The following HIP1 variants were observed in gnomAD, a reference collection of about 807,000 sequenced individuals.
HIP1 encodes huntingtin interacting protein 1.
In HIP1, 65 loss-of-function variants were observed where a neutral mutation model predicts 147.6. That is an observed-to-expected ratio of 0.44 (90% CI 0.36 to 0.54). The LOEUF (loss-of-function observed/expected upper bound fraction) is 0.54, where lower values mean the gene tolerates loss of function less well. Ranked by LOEUF, HIP1 falls within the 20% of genes least tolerant of loss-of-function variation. The pLI is 0.00. For synonymous variants in HIP1, 479 were observed against 504.0 expected, an observed-to-expected ratio of 0.95 and a Z score of 0.67; for missense variants, 1,061 against 1,299.6, an observed-to-expected ratio of 0.82 and a Z score of 2.82.
intron 1 of HIP1, among the ~76,000 whole-genome samples, chr7:75,725,860 T>C (rs1801634483): frequency 6.7e-6 from 1 of 149,842 alleles, no homozygotes; most frequent in Admixed American, 6.8e-5. Flanking sequence ...TCTCACTCTG[T>C]TGCCCAGGCT....
At chr7:75,636,312 C>T (rs1044813049) in intron 1 of HIP1, among the ~76,000 whole-genome samples, 20 of 151,372 alleles carry the variant, frequency 1.3e-4, no homozygotes, top group Non-Finnish European at 2.8e-4. Flanking sequence ...GACTGCACCA[C>T]TGCACTCCAG....
intron 1 of HIP1, among the ~76,000 whole-genome samples, chr7:75,660,216 T>TAA (rs66778859): frequency 4.0e-4 from 55 of 138,940 alleles, no homozygotes; most frequent in East Asian, 2.6e-3. Context: ...CGATACGTGG[T>TAA]AAAAAAAAAA....
intron 1 of HIP1, among the ~76,000 whole-genome samples, chr7:75,684,275 T>G (rs1458538054): frequency 6.6e-6 from 1 of 151,440 alleles, no homozygotes; most frequent in Non-Finnish European, 1.5e-5. Flanking sequence ...GGTGAAACCG[T>G]GTCTCTACTA....
intron 1 of HIP1, among the ~76,000 whole-genome samples, chr7:75,677,184 A>C (rs1464580148): frequency 6.6e-6 from 1 of 151,424 alleles, no homozygotes; most frequent in Non-Finnish European, 1.5e-5. Flanking sequence ...GACAAGAATG[A>C]AACTCCATCT....
chr7:75,585,689 G>A lies in HIP1; in HGVS notation c.465+1064C>T, dbSNP rs587684037. Reference sequence around the variant, plus strand: ...CCTGGCCTGGCCCAGCCTCAGTTCTGGTTTACGTTGCCTCCTATGTGCCCA... The same window carrying A: ...CCTGGCCTGGCCCAGCCTCAGTTCTAGTTTACGTTGCCTCCTATGTGCCCA... On this transcript the variant is annotated intron_variant, in intron 5 of 30. Transcript: ENST00000336926. Among the ~76,000 whole-genome samples, 6 of 152,026 alleles carry A rather than the reference G, an allele frequency of 3.9e-5. No homozygotes were observed. The East Asian group carries it at 1.2e-3, about 29-fold the overall frequency.
In HIP1 at chr7:75,664,033, TATATACACATATATGTGTATATAC is replaced by T. The variant is rs1799431135; in HGVS notation, c.121-64810_121-64787del. ...ATATATATACACATATATGTGTATATATATACACATATATGTGTATATACACATATATGTGTATATACACACACA... is the reference window on the plus strand; with the variant it reads ...ATATATATACACATATATGTGTATATACATATATGTGTATATACACACACA... On this transcript the variant is annotated intron_variant, in intron 1 of 30. Coordinates refer to ENST00000336926, the MANE Select transcript of HIP1 (RefSeq NM_005338.7). Among the ~76,000 whole-genome samples, 3 of 41,690 alleles carry T rather than the reference TATATACACATATATGTGTATATAC, an allele frequency of 7.2e-5. 1 individual carries two copies. Among genetic ancestry groups the T allele is most frequent in the Non-Finnish European group, 1.4e-4 (3 of 20,836 alleles). 27.4% of individuals were successfully genotyped at this position (41,690 alleles called of 152,430 possible). A position where few individuals can be genotyped will look rare whatever the true frequency, so the allele number is the denominator to read the frequency against.
chr7:75,554,667 G>A (rs587649791), intron 19 of HIP1, 141 bp from the exon 20 acceptor site: 1 of 616,414 alleles, frequency 1.6e-6, no homozygotes, highest in East Asian at 2.8e-5. Flanking sequence ...ATCACCTCTT[G>A]ATTCAGACCA....
chr7:75,669,251 T>C (rs1436875988), intron 1 of HIP1, among the ~76,000 whole-genome samples: 1 of 151,740 alleles, frequency 6.6e-6, no homozygotes, highest in Non-Finnish European at 1.5e-5. Flanking sequence ...CGGGCGCCTG[T>C]AGTCCCAGCT....
intron 13 of HIP1, among the ~76,000 whole-genome samples, chr7:75,560,946 T>G (rs1310685958): frequency 1.5e-5 from 2 of 132,648 alleles, no homozygotes; most frequent in Non-Finnish European, 3.2e-5. Flanking sequence ...ACTGTCTAGG[T>G]GATGCAATTT....
intron 1 of HIP1, among the ~76,000 whole-genome samples, chr7:75,724,101 T>G (rs1483681496): frequency 2.7e-5 from 4 of 150,368 alleles, no homozygotes; most frequent in African/African-American, 9.8e-5. Context: ...GGATTACAGT[T>G]GTGAGCCACC....
rs782521353 is a variant in HIP1 at position 75,565,522 on chromosome 7, A to C, written c.804-2259T>G. Among the ~76,000 whole-genome samples, 6 of 152,304 alleles carry C rather than the reference A, an allele frequency of 3.9e-5. No homozygotes were observed. In the East Asian group the frequency reaches 1.2e-3, roughly 29 times the overall value. On this transcript the variant is annotated intron_variant, in intron 9 of 30. Transcript: ENST00000336926. ...TACCAGGAGGTGGGTACAACCACAC[A>C]CTTGTCCTTCGCTTGCTCCTGGGGA...
At chr7:75,555,935 C>T in intron 18 of HIP1, 91 bp downstream of exon 18, 10 of 1,503,464 alleles carry the variant, frequency 6.7e-6, no homozygotes, top group Admixed American at 1.8e-5. Flanking sequence ...CCCTTCTCAG[C>T]AGCCCCGGGG....
At chr7:75,649,150 G>A (rs1411959821) in intron 1 of HIP1, among the ~76,000 whole-genome samples, 5 of 151,948 alleles carry the variant, frequency 3.3e-5, no homozygotes, top group Admixed American at 6.6e-5. Context: ...TCATCCTCCC[G>A]AGTAGCTGGG....
intron 1 of HIP1, among the ~76,000 whole-genome samples, chr7:75,614,293 A>G (rs1797554179): frequency 6.6e-6 from 1 of 152,196 alleles, no homozygotes; most frequent in African/African-American, 2.4e-5. Flanking sequence ...TGGCTGTCCC[A>G]GCCTCCCAAA....
At chr7:75,609,169 G>C (rs1235112827) in intron 1 of HIP1, among the ~76,000 whole-genome samples, 1 of 152,182 alleles carries the variant, frequency 6.6e-6, no homozygotes, top group Non-Finnish European at 1.5e-5. Context: ...TTCTCCTGCA[G>C]CTCTGGGGGG....
chr7:75,622,209 G>A (rs900717534), intron 1 of HIP1, among the ~76,000 whole-genome samples: 1 of 152,018 alleles, frequency 6.6e-6, no homozygotes, highest in South Asian at 2.1e-4. Context: ...CTCAGGAGGT[G>A]AAGGCTGCAG....
chr7:75,633,356 G>A (rs1380545248), intron 1 of HIP1, among the ~76,000 whole-genome samples: 2 of 151,942 alleles, frequency 1.3e-5, no homozygotes, highest in African/African-American at 4.8e-5. Flanking sequence ...GCAGTGGTGC[G>A]ATCTCAGCTT....
chr7:75,693,292 T>C (rs1800520418), intron 1 of HIP1, among the ~76,000 whole-genome samples: 1 of 152,208 alleles, frequency 6.6e-6, no homozygotes, highest in Admixed American at 6.6e-5. Flanking sequence ...TGTTGTTTTA[T>C]TTGTACACCT....
intron 1 of HIP1, among the ~76,000 whole-genome samples, chr7:75,729,503 CGGCCG>C (rs1187530723): frequency 6.6e-6 from 1 of 150,838 alleles, no homozygotes; most frequent in Non-Finnish European, 1.5e-5. Flanking sequence ...AACAAAAAAG[CGGCCG>C]GGCGCAATGG....
Sources: gnomAD v4.1 joint callset for allele counts (sites outside exome capture counted in the v4.1 genomes callset) on GRCh38, gnomAD v4.1.1 for gene constraint, MANE v1.5 for transcripts, NCBI Gene and HGNC (gene_info 2026-07-23, HGNC 2026-07-21) for gene names.